The following URB1 variants were observed in gnomAD, a reference collection of about 807,000 sequenced individuals.
The protein encoded by URB1 is URB1 ribosome biogenesis factor, also known as nucleolar pre-ribosomal-associated protein 1.
In URB1, 197 loss-of-function variants were observed where a neutral mutation model predicts 242.3. The observed-to-expected ratio is 0.81, with a 90% CI of 0.72 to 0.91. The LOEUF (loss-of-function observed/expected upper bound fraction) is 0.91. URB1 is among the 40% of genes least tolerant of loss of function. URB1 has a pLI of 0.00. For synonymous variants in URB1, 1,153 were observed against 1,201.8 expected, an observed-to-expected ratio of 0.96 and a Z score of 0.84; for missense variants, 2,721 against 2,860.5, an observed-to-expected ratio of 0.95 and a Z score of 1.11.
intron 28 of URB1, chr21:32,335,106 T>G (rs2032942978): frequency 6.6e-6 from 1 of 152,638 alleles, no homozygotes; most frequent in Non-Finnish European, 1.5e-5. Flanking sequence ...TGGAAATGCT[T>G]CCATCTGGTA....
chr21:32,344,150 A>G (rs1367190662), intron 24 of URB1, among the ~76,000 whole-genome samples: 2 of 152,268 alleles, frequency 1.3e-5, no homozygotes, highest in African/African-American at 4.8e-5. Context: ...CCTCATGGAC[A>G]CAGATGCAAA....
At chr21:32,369,050 A>G (rs1376101577) in intron 8 of URB1, among the ~76,000 whole-genome samples, 3 of 150,714 alleles carry the variant, frequency 2.0e-5, no homozygotes, top group African/African-American at 7.5e-5. Flanking sequence ...ACACAAAAAA[A>G]GCACTATGTA....
chr21:32,379,576 A>G (rs2033498722), intron 4 of URB1, among the ~76,000 whole-genome samples: 1 of 152,188 alleles, frequency 6.6e-6, no homozygotes, highest in South Asian at 2.1e-4. Flanking sequence ...TTTACAGAGC[A>G]CTTACTATGT....
chr21:32,368,591 T>A lies in URB1; in HGVS notation c.1009A>T (p.Asn337Tyr), dbSNP rs780414688. The part of the protein sequence containing the change: ...ASLGTFGRGG[N>Y]LTLLHFLLGL... ...AGCAAGAAGTGCAAGAGTGTCAGGT[T>A]TCCGCCTCTGTTAGAGAAAGACACA... is the stretch of plus-strand genomic sequence containing the variant. The change falls in exon 9 of 39, where the codon AAC (asparagine) becomes TAC (tyrosine). Residue 337 changes from asparagine to tyrosine, a missense_variant. By Grantham distance (143) the Asn-to-Tyr change is moderately radical. Coordinates refer to ENST00000382751, the MANE Select transcript of URB1 (RefSeq NM_014825.3). The A allele has an allele frequency of 4.5e-6, 7 of 1,549,876 alleles. No individual in the cohort carries two copies. In the South Asian group the frequency reaches 7.2e-5, roughly 16 times the overall value.
rs1172887648 is a variant in URB1, at chr21:32,392,857, G to A, written c.54C>T (p.Ser18=). 7.8e-6 allele frequency: 12 copies of A among 1,533,286 alleles called. No homozygotes were observed. The highest frequency in any genetic ancestry group is 1.0e-5 in the Non-Finnish European group (12 of 1,145,196). The allele number at this position is 1,533,286 out of a possible 1,614,324, so 95.0% of individuals were successfully genotyped here. ...ASGGQDGAAS[S]AGAAKRARKE... is the part of the protein sequence containing the mutation. ...TGCGGGCGCGCTTGGCTGCACCCGC[G>A]GAGGAAGCCGCGCCGTCCTGGCCGC... The change falls in exon 1 of 39, where the codon TCC becomes TCT. Residue 18 remains serine (S), a synonymous_variant. Coordinates refer to ENST00000382751, the MANE Select transcript of URB1 (RefSeq NM_014825.3).
chr21:32,324,823 G>A (rs894285220), intron 31 of URB1, among the ~76,000 whole-genome samples: 1 of 152,202 alleles, frequency 6.6e-6, no homozygotes, highest in African/African-American at 2.4e-5. Context: ...CACAACAGCA[G>A]AGAGAAGTCT....
Position 32,361,118 on chromosome 21 carries a change from C to T in URB1, c.1645G>A (p.Ala549Thr). 2.2e-6 allele frequency: 3 copies of T among 1,334,730 alleles called. No individual in the cohort carries two copies. Among genetic ancestry groups the T allele is most frequent in the East Asian group, 3.1e-5 (1 of 32,008 alleles). 82.7% of individuals were successfully genotyped at this position (1,334,730 alleles called of 1,614,324 possible). A position where few individuals can be genotyped will look rare whatever the true frequency, so the allele number is the denominator to read the frequency against. ...ACAGCTTTCAAAAGAATGGTTTCTG[C>T]ATCATCTGCACAAAAAAAAGAAAAA... Reference protein sequence around the residue: ...AACDAHQCDDAETILLKAVLL... With the variant: ...AACDAHQCDDTETILLKAVLL... Residue 549 changes from alanine (A) to threonine (T), a missense_variant, in exon 13 of 39, where the codon GCA becomes ACA. By Grantham distance (58) the Ala-to-Thr change is moderately conservative. Transcript: ENST00000382751.
chr21:32,337,697 CTTTT>C (rs1326260165), intron 26 of URB1, among the ~76,000 whole-genome samples, 183 bp from the exon 27 acceptor site: 2 of 151,402 alleles, frequency 1.3e-5, no homozygotes, highest in Non-Finnish European at 2.9e-5. Flanking sequence ...ATTTTCTTTT[CTTTT>C]TTTCTTTTTT....
chr21:32,353,629 C>T (rs1178896190), intron 18 of URB1, among the ~76,000 whole-genome samples: 1 of 152,208 alleles, frequency 6.6e-6, no homozygotes, highest in Admixed American at 6.5e-5. Flanking sequence ...TCTACATCAA[C>T]GTATCAAGAA....
Position 32,311,949 on chromosome 21 carries a change from C to A in URB1, c.*2969G>T. 6.2e-7 allele frequency: 1 copy of A among 1,613,586 alleles called. No homozygotes were observed. The highest frequency in any genetic ancestry group is 8.5e-7 in the Non-Finnish European group (1 of 1,180,050). ...TGGGGGTCCCCTCGTCAGGAGCAAG[C>A]CCAGCGAGCCTCCCCCTGGAGACAG... On this transcript the variant is annotated 3_prime_UTR_variant, in exon 39 of 39. Coordinates refer to ENST00000382751, the MANE Select transcript of URB1 (RefSeq NM_014825.3).
At position 32,345,408 on chromosome 21, in the gene URB1, G is replaced by A; in HGVS notation, c.4036C>T (p.Pro1346Ser). ...CTGCTTGGGGTGTGAAGCAAGCTGG[G>A]CAGGCGGTCCATGAGTACACTGAGA... Reference protein sequence around the residue: ...KDLSVLMDRLPSLLHTPSSHK... With the variant: ...KDLSVLMDRLSSLLHTPSSHK... The change falls in exon 23 of 39, where the codon CCC (proline) becomes TCC (serine). Residue 1346 changes from proline to serine, a missense_variant. Physicochemically the swap from Pro to Ser is moderately conservative, Grantham distance 74. Transcript: ENST00000382751. 6.4e-7 allele frequency: 1 copy of A among 1,551,408 alleles called. No homozygotes were observed. Among genetic ancestry groups the A allele is most frequent in the Non-Finnish European group, 8.7e-7 (1 of 1,146,952 alleles).
In URB1 at chr21:32,347,215, A is replaced by G; in HGVS notation, c.3609T>C (p.Thr1203=). The change falls in exon 22 of 39, where the codon ACT becomes ACC. Residue 1203 remains threonine, a synonymous_variant. Coordinates refer to ENST00000382751, the MANE Select transcript of URB1 (RefSeq NM_014825.3). The part of the protein sequence containing the change: ...VDELDTVLLH[T]LQRDPVLAPA... Reference sequence around the variant, plus strand: ...GGGCCAGCACAGGGTCTCTCTGCAGAGTGTGGAGGAGCACTGTGTCCAGCT... The same window carrying G: ...GGGCCAGCACAGGGTCTCTCTGCAGGGTGTGGAGGAGCACTGTGTCCAGCT... 3.2e-6 allele frequency: 5 copies of G among 1,550,546 alleles called. No individual in the cohort carries two copies. The highest frequency in any genetic ancestry group is 4.4e-6 in the Non-Finnish European group (5 of 1,146,956).
intron 4 of URB1, among the ~76,000 whole-genome samples, chr21:32,381,162 C>G (rs2033520427): frequency 6.6e-6 from 1 of 152,216 alleles, no homozygotes; most frequent in Non-Finnish European, 1.5e-5. Context: ...AGGCGTCCCA[C>G]TCCTACTGCA....
Position 32,312,283 on chromosome 21 carries a change from G to A in URB1, c.*2635C>T, listed in dbSNP as rs2032601796. The A allele has an allele frequency of 7.3e-7, 1 of 1,364,616 alleles. No homozygotes were observed. Among genetic ancestry groups the A allele is most frequent in the Non-Finnish European group, 9.5e-7 (1 of 1,055,436 alleles). 84.5% of individuals were successfully genotyped at this position (1,364,616 alleles called of 1,614,324 possible). ...GGAAAATAAAATATATGCAAATCAAGAGGAAAAGCTGTTTGCTTACTAATC... is the reference window on the plus strand; with the variant it reads ...GGAAAATAAAATATATGCAAATCAAAAGGAAAAGCTGTTTGCTTACTAATC... On this transcript the variant is annotated 3_prime_UTR_variant, in exon 39 of 39. Coordinates refer to ENST00000382751, the MANE Select transcript of URB1 (RefSeq NM_014825.3).
At chr21:32,375,690 A>C (rs1486324914) in intron 5 of URB1, among the ~76,000 whole-genome samples, 16 of 152,068 alleles carry the variant, frequency 1.1e-4, no homozygotes, top group Admixed American at 1.0e-3. Context: ...CATGCCTGTA[A>C]GCCCAGCACT....
intron 21 of URB1, 71 bp from the exon 22 acceptor site, chr21:32,347,882 C>T (rs1229570121): frequency 1.4e-6 from 2 of 1,461,340 alleles, no homozygotes; most frequent in Non-Finnish European, 9.0e-7. Context: ...AGCTGCCACG[C>T]AAGTATTCAC....
At chr21:32,369,548 T>C (rs993247605) in intron 8 of URB1, among the ~76,000 whole-genome samples, 1 of 152,100 alleles carries the variant, frequency 6.6e-6, no homozygotes, top group Non-Finnish European at 1.5e-5. Flanking sequence ...CAGCCTCGAA[T>C]TCCTGGGTTC....
intron 8 of URB1, among the ~76,000 whole-genome samples, chr21:32,371,612 G>A (rs1315028880): frequency 6.6e-6 from 1 of 152,176 alleles, no homozygotes; most frequent in Non-Finnish European, 1.5e-5. Flanking sequence ...ATTCCATTCT[G>A]AAGGAATCAC....
Position 32,319,338 on chromosome 21 carries a change from C to T in URB1, c.5671G>A (p.Ala1891Thr). 6.4e-7 allele frequency: 1 copy of T among 1,551,234 alleles called. No individual in the cohort carries two copies. The highest frequency in any genetic ancestry group is 8.7e-7 in the Non-Finnish European group (1 of 1,146,756). ...AGGCGCTGGCTCTCCCACTCCACTG[C>T]CTTGTCCCCCAGGTTGGTCACCCAC... The part of the protein sequence containing the change: ...TLWVTNLGDK[A>T]VEWESQRLCQ... Residue 1891 changes from alanine (A) to threonine (T), a missense_variant, in exon 36 of 39, where the codon GCA becomes ACA. Coordinates refer to ENST00000382751, the MANE Select transcript of URB1 (RefSeq NM_014825.3).
Sources: gnomAD v4.1 joint callset for allele counts (sites outside exome capture counted in the v4.1 genomes callset) on GRCh38, gnomAD v4.1.1 for gene constraint, MANE v1.5 for transcripts, NCBI Gene and HGNC (gene_info 2026-07-23, HGNC 2026-07-21) for gene names.